The following KMT2C variants were observed in gnomAD, a reference collection of about 807,000 sequenced individuals.
KMT2C encodes the protein lysine methyltransferase 2C.
KMT2C carries 88 observed loss-of-function variants against 507.9 expected under a neutral mutation model. That is an observed-to-expected ratio of 0.17 (90% CI 0.15 to 0.21). KMT2C has a LOEUF of 0.21. Among genes scored for constraint, KMT2C ranks in the 10% least tolerant of loss-of-function variants. The pLI, the probability that KMT2C is intolerant of heterozygous loss-of-function variation, is 1.00. For synonymous variants in KMT2C, 2,049 were observed against 2,080.8 expected (o/e 0.98, Z 0.42); for missense variants, 4,954 against 5,957.8 (o/e 0.83, Z 5.55).
At chr7:152,339,684 G>C (rs553770816) in intron 2 of KMT2C, among the ~76,000 whole-genome samples, 46 of 152,234 alleles carry the variant, frequency 3.0e-4, no homozygotes, top group African/African-American at 9.4e-4. Flanking sequence ...TTCTGTATGT[G>C]CCATTCACAG....
intron 9 of KMT2C, among the ~76,000 whole-genome samples, chr7:152,255,140 T>TATATATATAC (rs1431722417): frequency 4.8e-5 from 6 of 125,468 alleles, no homozygotes; most frequent in Non-Finnish European, 8.1e-5. Context: ...TATATATATA[T>TATATATATAC]ATATACATAT....
intron 1 of KMT2C, among the ~76,000 whole-genome samples, chr7:152,387,654 G>A (rs1431729371): frequency 3.3e-5 from 5 of 152,176 alleles, no homozygotes; most frequent in African/African-American, 1.2e-4. Flanking sequence ...GTATTTTTTA[G>A]TAGAGACCGG....
chr7:152,264,413 G>A (rs769868328), intron 8 of KMT2C, among the ~76,000 whole-genome samples: 1 of 152,172 alleles, frequency 6.6e-6, no homozygotes, highest in African/African-American at 2.4e-5. Flanking sequence ...AAATGACCAA[G>A]AGATGAAATA....
Position 152,163,183 on chromosome 7 carries a change from G to T in KMT2C, c.10394C>A (p.Pro3465His). ...TGGAGACTGCTGAAGGGGTCCTAGAGGTTGCATAAAATCACAAGGTAAGTC... is the reference window on the plus strand; with the variant it reads ...TGGAGACTGCTGAAGGGGTCCTAGATGTTGCATAAAATCACAAGGTAAGTC... ...SSDLPCDFMQ[P>H]LGPLQQSPQH... is the part of the protein sequence containing the mutation. Residue 3465 changes from proline to histidine, a missense_variant, in exon 43 of 59, where the codon CCT becomes CAT. Transcript: ENST00000262189. The T allele has an allele frequency of 1.9e-6, 3 of 1,614,142 alleles. No homozygotes were observed. Among genetic ancestry groups the T allele is most frequent in the Non-Finnish European group, 1.7e-6 (2 of 1,180,012 alleles).
Position 152,162,302 on chromosome 7 carries a change from G to C in KMT2C, c.11275C>G (p.Pro3759Ala), listed in dbSNP as rs1563197328. The change falls in exon 43 of 59, where the codon CCT (proline) becomes GCT (alanine). Residue 3759 changes from proline (P) to alanine (A), a missense_variant. Transcript: ENST00000262189. ...GCAGGGGCCCCAGCAGAATGGGGAGGACTCTGTGCTGAGGAGACAGGACAG... is the reference window on the plus strand; with the variant it reads ...GCAGGGGCCCCAGCAGAATGGGGAGCACTCTGTGCTGAGGAGACAGGACAG... The part of the protein sequence containing the change: ...VACPVSSAQS[P>A]PHSAGAPAAK... The C allele has an allele frequency of 6.8e-6, 11 of 1,614,064 alleles. No individual in the cohort carries two copies. The highest frequency in any genetic ancestry group is 1.3e-5 in the African/African-American group (1 of 74,930).
At position 152,222,628 on chromosome 7, in the gene KMT2C, T is replaced by C. The variant is rs1418123884; in HGVS notation, c.3378A>G (p.Val1126=). 2 of 1,610,582 alleles carry C rather than the reference T, an allele frequency of 1.2e-6. No homozygotes were observed. Among genetic ancestry groups the C allele is most frequent in the Non-Finnish European group, 1.7e-6 (2 of 1,178,620 alleles). The part of the protein sequence containing the change: ...NLNTEEEVEN[V]ADIGFDCSMC... ...TGCTACAATCAAAACCAATGTCTGC[T>C]ACATTTTCCACTTCTTCCTCAGTAT... Residue 1126 remains valine, a synonymous_variant, in exon 21 of 59, where the codon GTA becomes GTG. Coordinates refer to ENST00000262189, the MANE Select transcript of KMT2C (RefSeq NM_170606.3).
At chr7:152,209,556 A>C (rs571377750) in intron 23 of KMT2C, among the ~76,000 whole-genome samples, 1 of 151,838 alleles carries the variant, frequency 6.6e-6, no homozygotes, top group East Asian at 1.9e-4. Context: ...TAAAAAACAC[A>C]CTGAAATAAT....
At chr7:152,254,537 T>A (rs965673723) in intron 9 of KMT2C, among the ~76,000 whole-genome samples, 22 of 152,260 alleles carry the variant, frequency 1.4e-4, no homozygotes, top group African/African-American at 5.1e-4. Flanking sequence ...CAAAACCCAT[T>A]ACTAATAACT....
chr7:152,425,491 C>T (rs1355086413), intron 1 of KMT2C, among the ~76,000 whole-genome samples: 1 of 152,098 alleles, frequency 6.6e-6, no homozygotes, highest in East Asian at 1.9e-4. Flanking sequence ...GAAGGAGAAT[C>T]GCTGGAACCA....
At chr7:152,151,154 C>T (rs2091587563) in intron 50 of KMT2C, 147 bp from the exon 51 acceptor site, 2 of 641,970 alleles carry the variant, frequency 3.1e-6, no homozygotes, top group Non-Finnish European at 2.6e-6. Flanking sequence ...CAATATTTAG[C>T]ATGTGATAAT....
chr7:152,135,468 C>T lies in KMT2C; in HGVS notation c.*1364G>A. On this transcript the variant is annotated 3_prime_UTR_variant, in exon 59 of 59. Transcript: ENST00000262189. ...ATTTTAAAATTACATCTTCCAAAAACCCTATTGCCAGAGTCCTGCAGCTGT... is the reference window on the plus strand; with the variant it reads ...ATTTTAAAATTACATCTTCCAAAAATCCTATTGCCAGAGTCCTGCAGCTGT... 4.5e-6 allele frequency: 1 copy of T among 221,328 alleles called. No homozygotes were observed. The highest frequency in any genetic ancestry group is 6.7e-5 in the East Asian group (1 of 14,940). 13.7% of individuals were successfully genotyped at this position (221,328 alleles called of 1,614,324 possible). A position where few individuals can be genotyped will look rare whatever the true frequency, so the allele number is the denominator to read the frequency against.
chr7:152,390,026 A>G (rs144999706), intron 1 of KMT2C, among the ~76,000 whole-genome samples: 11,213 of 152,008 alleles, frequency 0.074, 338 homozygotes, highest in Middle Eastern at 0.13. Context: ...ACATGTGAAC[A>G]TAAAGATGGA....
chr7:152,169,297 A>C, intron 40 of KMT2C, 48 bp from the exon 41 acceptor site: 1 of 1,020,322 alleles, frequency 9.8e-7, no homozygotes, highest in Non-Finnish European at 1.5e-6. Flanking sequence ...ATTTCAGTTA[A>C]AGGGGGGAAA....
Position 152,194,560 on chromosome 7 carries a change from G to A in KMT2C, c.4387C>T (p.Pro1463Ser), listed in dbSNP as rs2129129753. The A allele has an allele frequency of 1.2e-6, 2 of 1,611,986 alleles. No individual in the cohort carries two copies. The highest frequency in any genetic ancestry group is 2.2e-5 in the East Asian group (1 of 44,778). The change falls in exon 29 of 59, where the codon CCT becomes TCT. Residue 1463 changes from proline to serine, a missense_variant. By Grantham distance (74) the Pro-to-Ser change is moderately conservative. This residue lies in a region of KMT2C where 140 missense variants were observed against 118.4 expected (regional missense o/e 1.18). Transcript: ENST00000262189. The stretch of plus-strand genomic sequence containing the variant: ...AAAGAGGAAGGATCATCAGTGACAG[G>A]ACCAATATCTACAAGAGTAAGGAAA... ...AKSVDHSDIGPVTDDPSSLPQ... is the reference protein window; with the variant it reads ...AKSVDHSDIGSVTDDPSSLPQ...
chr7:152,227,592 C>T (rs1021832113), intron 18 of KMT2C, among the ~76,000 whole-genome samples: 6 of 152,174 alleles, frequency 3.9e-5, no homozygotes, highest in African/African-American at 1.4e-4. Context: ...CAGAATGCTG[C>T]CCAGGGAGGG....
At chr7:152,182,684 GT>G in intron 35 of KMT2C, 90 bp from the exon 36 acceptor site, 1 of 1,199,044 alleles carries the variant, frequency 8.3e-7, no homozygotes, top group Admixed American at 2.4e-5. Context: ...AAGTTAATTT[GT>G]TTGATGTCAG....
intron 1 of KMT2C, among the ~76,000 whole-genome samples, chr7:152,424,134 G>A (rs1051317726): frequency 3.3e-5 from 5 of 151,622 alleles, no homozygotes; most frequent in South Asian, 2.1e-4. Flanking sequence ...TTCTGAGACC[G>A]GGTATTGTTC....
rs1448316446 is a variant in KMT2C, at chr7:152,139,332, G to A, written c.14461-73C>T. ...CCCTCTGTGTTCCTATCCACACCAG[G>A]AGGACTCAGTCGAAACTGAACGGAA... On this transcript the variant is annotated intron_variant, in intron 56 of 58. Transcript: ENST00000262189. 4.3e-6 allele frequency: 6 copies of A among 1,401,864 alleles called. No individual in the cohort carries two copies. The South Asian group carries it at 5.8e-5, about 13-fold the overall frequency. The allele number at this position is 1,401,864 out of a possible 1,614,324, so 86.8% of individuals were successfully genotyped here. A position where few individuals can be genotyped will look rare whatever the true frequency, so the allele number is the denominator to read the frequency against.
chr7:152,367,525 C>A (rs2097257300), intron 1 of KMT2C: 1 of 1,151,074 alleles, frequency 8.7e-7, no homozygotes, highest in Admixed American at 1.7e-5. Flanking sequence ...GAGAGGCGAA[C>A]CTGGATTGGG....
Sources: allele counts gnomAD v4.1 joint callset (sites outside exome capture counted in the v4.1 genomes callset), GRCh38; gene constraint gnomAD v4.1.1; regional missense constraint gnomAD v4.1.1; transcripts MANE v1.5; gene names NCBI Gene and HGNC (gene_info 2026-07-23, HGNC 2026-07-21).